The following XPO4 variants were observed in gnomAD, a reference collection of about 807,000 sequenced individuals.
The protein encoded by XPO4 is exportin 4, also known as exportin-4.
A neutral mutation model predicts 143.0 loss-of-function variants in XPO4; 39 were observed. The observed-to-expected ratio is 0.27, with a 90% confidence interval of 0.21 to 0.36. The LOEUF is 0.36. XPO4 is among the 10% of genes least tolerant of loss of function. The probability of loss-of-function intolerance (pLI) is 1.00; values close to 1 mark genes in which losing one functional copy is unlikely to be tolerated. For synonymous variants in XPO4, 439 were observed against 474.0 expected, an observed-to-expected ratio of 0.93 and a Z score of 0.96; for missense variants, 907 against 1,348.0, an observed-to-expected ratio of 0.67 and a Z score of 5.12.
At position 20,779,550 on chromosome 13, in the gene XPO4, G is replaced by C. The variant is rs2059117424; in HGVS notation, c.*4172C>G. ...GGGAATAGGTGAAGATCAAACCACA[G>C]TGGGAGAGGAGGGTAAAGATGTGAG... On this transcript the variant is annotated 3_prime_UTR_variant, in exon 23 of 23. Transcript: ENST00000255305. 6.6e-6 allele frequency: 1 copy of C among 152,434 alleles called. No individual in the cohort carries two copies. The highest frequency in any genetic ancestry group is 2.1e-4 in the South Asian group (1 of 4,832). The allele number at this position is 152,434 out of a possible 1,614,324, so 9.4% of individuals were successfully genotyped here. A position where few individuals can be genotyped will look rare whatever the true frequency, so the allele number is the denominator to read the frequency against.
chr13:20,828,675 G>C (rs972655692), intron 6 of XPO4, among the ~76,000 whole-genome samples: 1 of 152,050 alleles, frequency 6.6e-6, no homozygotes, highest in African/African-American at 2.4e-5. Flanking sequence ...ACTCAAATCT[G>C]GTTCATTTAA....
intron 1 of XPO4, among the ~76,000 whole-genome samples, chr13:20,877,788 G>C (rs368187250): frequency 6.6e-6 from 1 of 152,154 alleles, no homozygotes; most frequent in Admixed American, 6.6e-5. Flanking sequence ...ATCCAGAGTA[G>C]AAAGTAAAAA....
In XPO4 at chr13:20,777,919, G is replaced by C. The variant is rs1054227927; in HGVS notation, c.*5803C>G. 1 of 152,140 alleles carries C rather than the reference G, an allele frequency of 6.6e-6. No individual in the cohort carries two copies. The highest frequency in any genetic ancestry group is 1.5e-5 in the Non-Finnish European group (1 of 68,024). 9.4% of individuals were successfully genotyped at this position (152,140 alleles called of 1,614,324 possible). ...TTCCCAGCAAAAGATTCTTTCATTA[G>C]TTTCACCAAATATACCATTTCCACT... On this transcript the variant is annotated 3_prime_UTR_variant, in exon 23 of 23. Coordinates refer to ENST00000255305, the MANE Select transcript of XPO4 (RefSeq NM_022459.5).
intron 11 of XPO4, 95 bp from the exon 12 acceptor site, chr13:20,808,676 G>A (rs1234214560): frequency 8.0e-6 from 9 of 1,118,190 alleles, no homozygotes; most frequent in Non-Finnish European, 9.7e-6. Flanking sequence ...TGAATTGAAT[G>A]TTAGCGTAAA....
chr13:20,834,572 CA>C (rs201379768), intron 6 of XPO4, among the ~76,000 whole-genome samples: 6 of 134,718 alleles, frequency 4.5e-5, no homozygotes, highest in Admixed American at 1.5e-4. Context: ...GACCCAGTCT[CA>C]AAAAAAAAAT....
At chr13:20,791,060 A>T (rs1297444108) in intron 18 of XPO4, among the ~76,000 whole-genome samples, 1 of 152,078 alleles carries the variant, frequency 6.6e-6, no homozygotes, top group Non-Finnish European at 1.5e-5. Flanking sequence ...AAAGTAGTTT[A>T]AAAAAGAACA....
intron 6 of XPO4, among the ~76,000 whole-genome samples, chr13:20,839,245 C>T (rs1232112180): frequency 6.6e-6 from 1 of 152,136 alleles, no homozygotes; most frequent in East Asian, 1.9e-4. Context: ...CCTTGGGAAA[C>T]AGAGTGAAAC....
At chr13:20,859,539 T>G (rs139639891) in intron 3 of XPO4, among the ~76,000 whole-genome samples, 3,136 of 147,348 alleles carry the variant, frequency 0.021, 83 homozygotes, top group Middle Eastern at 0.077. Context: ...GGTGGAGCTT[T>G]CAGTGAGCGG....
intron 9 of XPO4, among the ~76,000 whole-genome samples, chr13:20,819,563 T>A (rs559286448): frequency 6.6e-6 from 1 of 152,020 alleles, no homozygotes; most frequent in East Asian, 1.9e-4. Flanking sequence ...GGGAGGCTGA[T>A]GCAGAAGAAT....
At chr13:20,822,780 TATA>T (rs2059736538) in intron 7 of XPO4, among the ~76,000 whole-genome samples, 1 of 152,210 alleles carries the variant, frequency 6.6e-6, no homozygotes, top group South Asian at 2.1e-4. Context: ...TCAACCAAAA[TATA>T]ATGAGCACGT....
chr13:20,783,705 G>A lies in XPO4; in HGVS notation c.*17C>T, dbSNP rs771902165. 2.5e-6 allele frequency: 4 copies of A among 1,612,492 alleles called. No homozygotes were observed. The South Asian group carries it at 4.4e-5, about 18-fold the overall frequency. ...ACTTTGCAGAAAGGATCTAAATTAA[G>A]CATAAAGTTCTGTTGTTTATTTTAC... On this transcript the variant is annotated 3_prime_UTR_variant, in exon 23 of 23. Transcript: ENST00000255305.
chr13:20,811,780 C>G (rs1032367104), intron 9 of XPO4, among the ~76,000 whole-genome samples: 1 of 152,114 alleles, frequency 6.6e-6, no homozygotes, highest in Non-Finnish European at 1.5e-5. Context: ...TTTACCCTGA[C>G]AGCTGGGAAG....
intron 7 of XPO4, among the ~76,000 whole-genome samples, chr13:20,823,312 A>C (rs1265368943): frequency 6.6e-6 from 1 of 152,224 alleles, no homozygotes; most frequent in Non-Finnish European, 1.5e-5. Flanking sequence ...ACATTTAAGT[A>C]CTCACTGGTA....
chr13:20,785,019 C>A (rs1351812237), intron 22 of XPO4, among the ~76,000 whole-genome samples: 2 of 152,102 alleles, frequency 1.3e-5, no homozygotes, highest in Non-Finnish European at 2.9e-5. Flanking sequence ...AGGCATGCAC[C>A]ACCATCCCTG....
chr13:20,866,637 G>A (rs1320695473), intron 2 of XPO4, among the ~76,000 whole-genome samples: 2 of 152,166 alleles, frequency 1.3e-5, no homozygotes, highest in African/African-American at 4.8e-5. Flanking sequence ...TAATGATTAT[G>A]CTTGTAATAC....
rs565882664 is a variant in XPO4 at position 20,869,054 on chromosome 13, T to C, written c.70-353A>G. 3.9e-5 allele frequency among the ~76,000 whole-genome samples: 6 copies of C among 152,150 alleles called. No individual in the cohort carries two copies. The South Asian group carries it at 1.2e-3, about 31-fold the overall frequency. On this transcript the variant is annotated intron_variant, in intron 1 of 22. Transcript: ENST00000255305. ...CCAAAATATACCACTTGGACTAACT[T>C]GACCTAGTTCAAATAACTTCAAAAT...
At chr13:20,850,462 T>C (rs1338658027) in intron 4 of XPO4, among the ~76,000 whole-genome samples, 1 of 152,106 alleles carries the variant, frequency 6.6e-6, no homozygotes, top group Non-Finnish European at 1.5e-5. Context: ...AACATGAGAC[T>C]AGTACAGGGA....
At position 20,812,017 on chromosome 13, in the gene XPO4, C is replaced by A. The variant is rs2059589361; in HGVS notation, c.1174-2050G>T. On this transcript the variant is annotated intron_variant, in intron 9 of 22. Coordinates refer to ENST00000255305, the MANE Select transcript of XPO4 (RefSeq NM_022459.5). ...TTAGGGCATCGTCAGCACACAGATA[C>A]CTAAGTATTTATTTTTAAAGTTGAA... Among the ~76,000 whole-genome samples the A allele has an allele frequency of 2.6e-5, 4 of 152,200 alleles. No individual in the cohort carries two copies. The East Asian group carries it at 7.7e-4, about 29-fold the overall frequency.
chr13:20,886,555 GACTGCAGAGGTC>G (rs2060463282), intron 1 of XPO4, among the ~76,000 whole-genome samples: 2 of 152,030 alleles, frequency 1.3e-5, no homozygotes, highest in Admixed American at 6.6e-5. Context: ...GTGGGTTCAA[GACTGCAGAGGTC>G]ACGCTACTGC....
Sources: gnomAD v4.1 joint callset for allele counts (sites outside exome capture counted in the v4.1 genomes callset) on GRCh38, gnomAD v4.1.1 for gene constraint, MANE v1.5 for transcripts, NCBI Gene and HGNC (gene_info 2026-07-23, HGNC 2026-07-21) for gene names.